IL1RAPL1: variants seen among roughly 807,000 people sequenced by gnomAD.
IL1RAPL1 encodes interleukin 1 receptor accessory protein like 1.
IL1RAPL1 carries 3 observed loss-of-function variants against 48.4 expected under a neutral mutation model. That is an observed-to-expected ratio of 0.06 (90% CI 0.03 to 0.16). The LOEUF (loss-of-function observed/expected upper bound fraction) is 0.16, where lower values mean the gene tolerates loss of function less well. IL1RAPL1 is among the 10% of genes least tolerant of loss of function. IL1RAPL1 has a pLI of 1.00. For synonymous variants in IL1RAPL1, 185 were observed against 187.7 expected (o/e 0.99, Z 0.12); for missense variants, 349 against 530.6 (o/e 0.66, Z 3.36).
intron 6 of IL1RAPL1, among the ~76,000 whole-genome samples, chrX:29,907,072 T>C (rs1932648013): frequency 3.6e-5 from 4 of 111,911 alleles, no homozygotes; most frequent in African/African-American, 1.3e-4. Flanking sequence ...TAATTGCTAG[T>C]AATAACTTTC....
chrX:28,593,262 G>A (rs1933922832), intron 1 of IL1RAPL1, among the ~76,000 whole-genome samples: 1 of 111,493 alleles, frequency 9.0e-6, no homozygotes, highest in Admixed American at 9.6e-5. Flanking sequence ...TTTAGCTACA[G>A]AGAAGGGATG....
At chrX:29,545,576 A>G (rs1345465574) in intron 5 of IL1RAPL1, among the ~76,000 whole-genome samples, 1 of 111,901 alleles carries the variant, frequency 8.9e-6, no homozygotes, top group East Asian at 2.8e-4. Flanking sequence ...CTTCATATAA[A>G]TGAGTCATAC....
chrX:28,700,642 G>A (rs1935285196), intron 1 of IL1RAPL1, among the ~76,000 whole-genome samples: 1 of 109,368 alleles, frequency 9.1e-6, no homozygotes, highest in Admixed American at 9.8e-5. Context: ...CTATCAACCT[G>A]TCATCTAGGT....
intron 5 of IL1RAPL1, among the ~76,000 whole-genome samples, chrX:29,545,361 C>T (rs1244821626): frequency 9.0e-6 from 1 of 111,177 alleles, no homozygotes; most frequent in African/African-American, 3.3e-5. Context: ...TTACTAATAC[C>T]TTACATGGTA....
At chrX:29,861,773 T>TA (rs958960233) in intron 6 of IL1RAPL1, among the ~76,000 whole-genome samples, 34 of 109,012 alleles carry the variant, frequency 3.1e-4, no homozygotes, top group Non-Finnish European at 5.2e-4. Flanking sequence ...ACCCTAAATT[T>TA]AAAAAAAAAA....
intron 2 of IL1RAPL1, among the ~76,000 whole-genome samples, chrX:28,959,217 A>C (rs1322847597): frequency 9.0e-6 from 1 of 111,577 alleles, no homozygotes; most frequent in African/African-American, 3.3e-5. Flanking sequence ...AATAAAATGC[A>C]GATCGTTCAG....
At chrX:29,159,855 G>A (rs932326853) in intron 2 of IL1RAPL1, among the ~76,000 whole-genome samples, 1 of 111,664 alleles carries the variant, frequency 9.0e-6, no homozygotes, top group Admixed American at 9.5e-5. Flanking sequence ...GGGATTACAG[G>A]CAAGAGCCAC....
chrX:29,177,565 A>C (rs2147517929), intron 2 of IL1RAPL1, among the ~76,000 whole-genome samples: 1 of 111,994 alleles, frequency 8.9e-6, no homozygotes, highest in Non-Finnish European at 1.9e-5. Flanking sequence ...TTACAATAAA[A>C]GTATTGTTTA....
chrX:29,094,576 G>T (rs1173272843), intron 2 of IL1RAPL1, among the ~76,000 whole-genome samples: 1 of 88,740 alleles, frequency 1.1e-5, no homozygotes, highest in African/African-American at 4.2e-5. Context: ...TGGCCAACAT[G>T]ATGAAACTCT....
intron 3 of IL1RAPL1, among the ~76,000 whole-genome samples, chrX:29,295,949 C>T (rs1339476184): frequency 9.0e-6 from 1 of 111,599 alleles, no homozygotes; most frequent in Non-Finnish European, 1.9e-5. Flanking sequence ...TAGTAAAACC[C>T]ATGTGCCTGA....
rs145259737 is a variant in IL1RAPL1 at position 28,741,426 on chromosome X, T to C, written c.-24-47894T>C. Reference sequence around the variant, plus strand: ...CTTGTTGATTTGTTTAAATTCCTTATAGATTCTAGATATTAGACCTTTGTC... The same window carrying C: ...CTTGTTGATTTGTTTAAATTCCTTACAGATTCTAGATATTAGACCTTTGTC... On this transcript the variant is annotated intron_variant, in intron 1 of 10. Coordinates refer to ENST00000378993, the MANE Select transcript of IL1RAPL1 (RefSeq NM_014271.4). Among the ~76,000 whole-genome samples, 987 of 111,758 alleles carry C rather than the reference T, an allele frequency of 8.8e-3. 10 individuals are homozygous for C. The highest frequency in any genetic ancestry group is 0.03 in the African/African-American group (938 of 30,757).
At chrX:28,939,572 A>T (rs934691783) in intron 2 of IL1RAPL1, among the ~76,000 whole-genome samples, 1 of 110,635 alleles carries the variant, frequency 9.0e-6, no homozygotes, top group Non-Finnish European at 1.9e-5. Context: ...AAAAATAACG[A>T]TTGTTTACTA....
intron 2 of IL1RAPL1, among the ~76,000 whole-genome samples, chrX:28,986,677 A>G (rs1925482394): frequency 8.9e-6 from 1 of 112,284 alleles, no homozygotes; most frequent in Non-Finnish European, 1.9e-5. Context: ...GTTGTCGAAA[A>G]TGAGTATTTT....
chrX:29,383,361 CT>C (rs1378347821), intron 3 of IL1RAPL1, among the ~76,000 whole-genome samples: 1 of 112,047 alleles, frequency 8.9e-6, no homozygotes, highest in African/African-American at 3.2e-5. Flanking sequence ...AAAATATTCT[CT>C]TCTTATATTC....
At chrX:29,302,750 T>A (rs1052427027) in intron 3 of IL1RAPL1, among the ~76,000 whole-genome samples, 1 of 111,424 alleles carries the variant, frequency 9.0e-6, no homozygotes, top group Admixed American at 9.5e-5. Flanking sequence ...TGTGGGGATG[T>A]TGAATGGAGG....
intron 2 of IL1RAPL1, among the ~76,000 whole-genome samples, chrX:28,969,662 A>G (rs1173460010): frequency 1.8e-5 from 2 of 109,750 alleles, no homozygotes; most frequent in Non-Finnish European, 3.8e-5. Context: ...TTAGACTCTC[A>G]CAGCAGTAAT....
chrX:29,926,765 C>G (rs1473973661), intron 8 of IL1RAPL1, among the ~76,000 whole-genome samples: 1 of 111,406 alleles, frequency 9.0e-6, no homozygotes. Context: ...CAACCTTCCT[C>G]AGTTATGAAA....
At chrX:28,876,288 C>A (rs1195572945) in intron 2 of IL1RAPL1, among the ~76,000 whole-genome samples, 1 of 111,748 alleles carries the variant, frequency 8.9e-6, no homozygotes, top group Non-Finnish European at 1.9e-5. Context: ...GCTAGAAAAT[C>A]TTGCAATTTA....
chrX:28,658,237 A>T (rs2146907408), intron 1 of IL1RAPL1, among the ~76,000 whole-genome samples: 1 of 112,381 alleles, frequency 8.9e-6, no homozygotes, highest in African/African-American at 3.2e-5. Flanking sequence ...TTTATTTTTG[A>T]GACGGAGTCT....
Sources: allele counts gnomAD v4.1 joint callset (sites outside exome capture counted in the v4.1 genomes callset), GRCh38; gene constraint gnomAD v4.1.1; transcripts MANE v1.5; gene names NCBI Gene and HGNC (gene_info 2026-07-23, HGNC 2026-07-21).